SPDYE11: variants seen among roughly 807,000 people sequenced by gnomAD.
The protein encoded by SPDYE11 is speedy/RINGO cell cycle regulator family member E11.
At chr7:73,055,624 T>C (rs1244132924) in intron 2 of SPDYE11, among the ~76,000 whole-genome samples, 4 of 58,024 alleles carry the variant, frequency 6.9e-5, no homozygotes, top group Non-Finnish European at 1.5e-4. Context: ...TTCTTCTTTT[T>C]TTTTTTTTTT....
At chr7:73,055,626 T>C (rs1490265244) in intron 2 of SPDYE11, among the ~76,000 whole-genome samples, 2 of 62,490 alleles carry the variant, frequency 3.2e-5, no homozygotes, top group Non-Finnish European at 6.7e-5. Flanking sequence ...CTTCTTTTTT[T>C]TTTTTTTTTT....
intron 2 of SPDYE11, among the ~76,000 whole-genome samples, chr7:73,055,635 T>TC (rs1801445087): frequency 1.5e-5 from 1 of 68,434 alleles, no homozygotes; most frequent in African/African-American, 5.5e-5. Flanking sequence ...TTTTTTTTTT[T>TC]TTTTTTTGAG....
chr7:73,055,687 C>T (rs1352220401), intron 2 of SPDYE11, among the ~76,000 whole-genome samples: 3 of 83,534 alleles, frequency 3.6e-5, no homozygotes, highest in Admixed American at 3.3e-4. Context: ...TGCAGTAGCA[C>T]GATCTTGGCT....
At chr7:73,052,243 T>G in intron 5 of SPDYE11, 126 bp downstream of exon 5, 10 of 67,330 alleles carry the variant, frequency 1.5e-4, no homozygotes, top group South Asian at 1.1e-3. Flanking sequence ...ACTATAATCC[T>G]GTCTTTTTTG....
chr7:73,055,625 T>C (rs1220558992), intron 2 of SPDYE11, among the ~76,000 whole-genome samples: 3 of 61,520 alleles, frequency 4.9e-5, no homozygotes, highest in African/African-American at 1.8e-4. Context: ...TCTTCTTTTT[T>C]TTTTTTTTTT....
rs1163745417 is a variant in SPDYE11 at position 73,055,619 on chromosome 7, C to CT, written c.130+362dup. ...ACCTCTGACCCTTCTTTTTTTTCTT[C>CT]TTTTTTTTTTTTTTTTTTTTTTTGA... On this transcript the variant is annotated intron_variant, in intron 2 of 7. Coordinates refer to ENST00000340073, the MANE Select transcript of SPDYE11 (RefSeq NM_001351349.3). 2.0e-3 allele frequency among the ~76,000 whole-genome samples: 35 copies of CT among 17,192 alleles called. No individual in the cohort carries two copies. In the East Asian group the frequency reaches 0.033, roughly 16 times the overall value. 11.3% of individuals were successfully genotyped at this position (17,192 alleles called of 152,430 possible). A position where few individuals can be genotyped will look rare whatever the true frequency, so the allele number is the denominator to read the frequency against.
Position 73,052,455 on chromosome 7 carries a change from C to G in SPDYE11, c.409-1G>C. On this transcript the variant is annotated splice_acceptor_variant, in intron 4 of 7. Transcript: ENST00000340073. LOFTEE classifies it high-confidence loss of function. ...ACGCTATGACCATAGCCAGGAGATA[C>G]TGATGGAGAGAAAGGAACACAGAGA... 1 of 19,706 alleles carries G rather than the reference C, an allele frequency of 5.1e-5. No homozygotes were observed. Among genetic ancestry groups the G allele is most frequent in the Non-Finnish European group, 1.0e-4 (1 of 9,948 alleles). 1.2% of individuals were successfully genotyped at this position (19,706 alleles called of 1,614,324 possible).
chr7:73,055,656 A>C (rs1801446441), intron 2 of SPDYE11, among the ~76,000 whole-genome samples: 1 of 67,146 alleles, frequency 1.5e-5, no homozygotes, highest in Non-Finnish European at 2.9e-5. Context: ...ATAGCATCTC[A>C]CTCTGTCACC....
At chr7:73,052,233 A>G in intron 5 of SPDYE11, 136 bp downstream of exon 5, 1 of 67,254 alleles carries the variant, frequency 1.5e-5, no homozygotes, top group Non-Finnish European at 2.6e-5. Flanking sequence ...TTTTTTTGAG[A>G]CTATAATCCT....
intron 4 of SPDYE11, 86 bp from the exon 5 acceptor site, chr7:73,052,540 AG>A: frequency 3.5e-3 from 20 of 5,794 alleles, no homozygotes; most frequent in Admixed American, 5.7e-3. Context: ...GGGTCTGGGG[AG>A]GGGTTGCCCA....
At chr7:73,055,633 T>G (rs1292771851) in intron 2 of SPDYE11, among the ~76,000 whole-genome samples, 2 of 67,536 alleles carry the variant, frequency 3.0e-5, no homozygotes, top group African/African-American at 1.1e-4. Flanking sequence ...TTTTTTTTTT[T>G]TTTTTTTTTG....
intron 2 of SPDYE11, among the ~76,000 whole-genome samples, chr7:73,055,489 G>A (rs1801442831): frequency 3.9e-5 from 1 of 25,462 alleles, no homozygotes; most frequent in Non-Finnish European, 7.7e-5. Flanking sequence ...CAAGTGATCC[G>A]CCTGCCTTGG....
chr7:73,052,329 G>A, intron 5 of SPDYE11, 40 bp downstream of exon 5: 10 of 10,684 alleles, frequency 9.4e-4, no homozygotes, highest in Admixed American at 1.9e-3. Flanking sequence ...CTGTCCCAGG[G>A]CATTGGATAT....
At chr7:73,055,607 C>CT (rs1159915971) in intron 2 of SPDYE11, among the ~76,000 whole-genome samples, 1 of 28,472 alleles carries the variant, frequency 3.5e-5, no homozygotes, top group African/African-American at 1.4e-4. Flanking sequence ...TCTGACCCTT[C>CT]TTTTTTTTCT....
At chr7:73,055,623 T>C (rs1475966430) in intron 2 of SPDYE11, among the ~76,000 whole-genome samples, 22 of 53,736 alleles carry the variant, frequency 4.1e-4, no homozygotes, top group African/African-American at 1.3e-3. Context: ...TTTCTTCTTT[T>C]TTTTTTTTTT....
intron 2 of SPDYE11, among the ~76,000 whole-genome samples, chr7:73,055,613 TTTC>T (rs1240864091): frequency 3.3e-5 from 1 of 30,614 alleles, no homozygotes; most frequent in South Asian, 2.6e-3. Flanking sequence ...CCTTCTTTTT[TTTC>T]TTCTTTTTTT....
At chr7:73,055,622 T>C (rs1186395929) in intron 2 of SPDYE11, among the ~76,000 whole-genome samples, 9 of 43,378 alleles carry the variant, frequency 2.1e-4, no homozygotes, top group African/African-American at 6.2e-4. Flanking sequence ...TTTTCTTCTT[T>C]TTTTTTTTTT....
chr7:73,055,645 G>T (rs1344523463), intron 2 of SPDYE11, among the ~76,000 whole-genome samples: 7 of 61,642 alleles, frequency 1.1e-4, no homozygotes, highest in South Asian at 1.5e-3. Flanking sequence ...TTTTTTTTGA[G>T]ATAGCATCTC....
chr7:73,055,627 T>TC (rs1801444968), intron 2 of SPDYE11, among the ~76,000 whole-genome samples: 4 of 62,946 alleles, frequency 6.4e-5, no homozygotes, highest in Admixed American at 5.8e-4. Context: ...TTCTTTTTTT[T>TC]TTTTTTTTTT....
Sources: gnomAD v4.1 joint callset for allele counts (sites outside exome capture counted in the v4.1 genomes callset) on GRCh38, gnomAD v4.1.1 for gene constraint, MANE v1.5 for transcripts, NCBI Gene and HGNC (gene_info 2026-07-23, HGNC 2026-07-21) for gene names.